The following RC3H2 variants were observed in gnomAD, a reference collection of about 807,000 sequenced individuals.
RC3H2 encodes the protein ring finger and CCCH-type domains 2, also known as roquin-2.
RC3H2 carries 31 observed loss-of-function variants against 133.3 expected under a neutral mutation model. The ratio of observed to expected loss-of-function variants is 0.23; its 90% CI spans 0.17 to 0.31. RC3H2 has a LOEUF of 0.31. Among genes scored for constraint, RC3H2 ranks in the 10% least tolerant of loss-of-function variants. RC3H2 has a pLI of 1.00. For missense variants in RC3H2, 1,175 were observed against 1,437.2 expected, an observed-to-expected ratio of 0.82 and a Z score of 2.95; for synonymous variants, 517 against 502.2, an observed-to-expected ratio of 1.03 and a Z score of -0.40.
intron 11 of RC3H2, 56 bp from the exon 12 acceptor site, chr9:122,859,158 A>G: frequency 7.3e-7 from 1 of 1,362,852 alleles, no homozygotes; most frequent in South Asian, 1.5e-5. Flanking sequence ...CCAACATTTT[A>G]TAATGGCTTA....
chr9:122,850,514 T>C (rs1297672179), intron 20 of RC3H2, among the ~76,000 whole-genome samples: 1 of 151,514 alleles, frequency 6.6e-6, no homozygotes, highest in African/African-American at 2.4e-5. Context: ...GTCACGATCT[T>C]GGCTCACTGT....
At chr9:122,859,229 C>A in intron 11 of RC3H2, 127 bp from the exon 12 acceptor site, 1 of 519,196 alleles carries the variant, frequency 1.9e-6, no homozygotes, top group Non-Finnish European at 2.9e-6. Context: ...CCTTACCCTG[C>A]TTTATAAAGC....
At chr9:122,884,090 C>T (rs1411738595) in intron 4 of RC3H2, among the ~76,000 whole-genome samples, 2 of 151,954 alleles carry the variant, frequency 1.3e-5, no homozygotes, top group Non-Finnish European at 2.9e-5. Flanking sequence ...GTCAGGAGAT[C>T]GATACCATCC....
chr9:122,860,282 C>T (rs1830407237), intron 10 of RC3H2, 151 bp from the exon 11 acceptor site: 3 of 620,820 alleles, frequency 4.8e-6, no homozygotes, highest in Non-Finnish European at 8.5e-6. Context: ...ATGAATTTCA[C>T]TGCCACCTTA....
rs1042759654 is a variant in RC3H2, at chr9:122,846,560, CAGAATGG to C, written c.*3060_*3066del. 73 of 152,252 alleles carry C rather than the reference CAGAATGG, an allele frequency of 4.8e-4. No homozygotes were observed. The highest frequency in any genetic ancestry group is 1.7e-3 in the African/African-American group (72 of 41,546). 9.4% of individuals were successfully genotyped at this position (152,252 alleles called of 1,614,324 possible). ...GTAACTGAATGCGGCACATGGATTTCAGAATGGAACTTAGAAATTAAAAAACAAAAAC... is the reference window on the plus strand; with the variant it reads ...GTAACTGAATGCGGCACATGGATTTCAACTTAGAAATTAAAAAACAAAAAC... On this transcript the variant is annotated 3_prime_UTR_variant, in exon 21 of 21. Coordinates refer to ENST00000357244, the MANE Select transcript of RC3H2 (RefSeq NM_001100588.3).
rs868261983 is a variant in RC3H2 at position 122,867,473 on chromosome 9, C to G, written c.1326-1816G>C. On this transcript the variant is annotated intron_variant, in intron 9 of 20. Transcript: ENST00000357244. ...GAGGGAGGTGGGGGGGTCAGCCCCC[C>G]GCCCGGCCAGCCGCCCTGTCGGGGA... Among the ~76,000 whole-genome samples the G allele has an allele frequency of 2.1e-3, 307 of 148,376 alleles. 1 individual carries two copies. Among genetic ancestry groups the G allele is most frequent in the African/African-American group, 7.5e-3 (299 of 39,956 alleles).
At chr9:122,904,823 G>A (rs1159796917) in intron 1 of RC3H2, among the ~76,000 whole-genome samples, 1 of 152,114 alleles carries the variant, frequency 6.6e-6, no homozygotes, top group Non-Finnish European at 1.5e-5. Flanking sequence ...CCGGGCCTTT[G>A]CTTGGGTGGG....
intron 13 of RC3H2, among the ~76,000 whole-genome samples, chr9:122,856,355 T>C (rs1830247708): frequency 1.3e-5 from 2 of 152,198 alleles, no homozygotes. Context: ...CAGGCTCAGG[T>C]GATTTTCCCA....
At chr9:122,886,560 T>G (rs1332336854) in intron 4 of RC3H2, among the ~76,000 whole-genome samples, 1 of 152,216 alleles carries the variant, frequency 6.6e-6, no homozygotes, top group Non-Finnish European at 1.5e-5. Context: ...ATTTTAAAAA[T>G]TATGGCCACT....
chr9:122,853,833 GCAAT>G, intron 18 of RC3H2, 115 bp downstream of exon 18: 1 of 1,570,880 alleles, frequency 6.4e-7, no homozygotes, highest in Non-Finnish European at 8.7e-7. Context: ...AGTTTTAAAA[GCAAT>G]CAATCATCCA....
rs1564322863 is a variant in RC3H2, at chr9:122,899,090, G to GGTTTTTTTTTTTTTTTT, written c.-67-1515_-67-1514insAAAAAAAAAAAAAAAAC. Among the ~76,000 whole-genome samples, 2 of 88,410 alleles carry GGTTTTTTTTTTTTTTTT rather than the reference G, an allele frequency of 2.3e-5. 1 individual carries two copies. Among genetic ancestry groups the GGTTTTTTTTTTTTTTTT allele is most frequent in the Non-Finnish European group, 4.0e-5 (2 of 49,386 alleles). 58.0% of individuals were successfully genotyped at this position (88,410 alleles called of 152,430 possible). A position where few individuals can be genotyped will look rare whatever the true frequency, so the allele number is the denominator to read the frequency against. On this transcript the variant is annotated intron_variant, in intron 1 of 20. Transcript: ENST00000357244. ...AAAAAATTCTATTAGCCTTTATTGT[G>GGTTTTTTTTTTTTTTTT]TTTTTTTTTTTTTTTTTTTTTTTTT...
intron 9 of RC3H2, among the ~76,000 whole-genome samples, chr9:122,870,131 T>G (rs1831002018): frequency 6.6e-6 from 1 of 151,992 alleles, no homozygotes; most frequent in South Asian, 2.1e-4. Flanking sequence ...TCCCAGCACC[T>G]TGGGAGGCTG....
rs186474530 is a variant in RC3H2, at chr9:122,854,288, T to C, written c.2901-22A>G. On this transcript the variant is annotated intron_variant, in intron 16 of 20. Transcript: ENST00000357244. The stretch of plus-strand genomic sequence containing the variant: ...GTCCCTTTAAAGAGAAATATGTTTA[T>C]TGTAATAAAAGTGAAGTGAATGAAG... The C allele has an allele frequency of 6.3e-6, 10 of 1,581,318 alleles. No homozygotes were observed. In the East Asian group the frequency reaches 1.1e-4, roughly 18 times the overall value.
chr9:122,851,695 C>T (rs951955429), intron 18 of RC3H2: 84 of 395,436 alleles, frequency 2.1e-4, no homozygotes, highest in African/African-American at 7.7e-4. Flanking sequence ...GACGGGGTTT[C>T]GCTGTGATGG....
chr9:122,875,403 C>T (rs1453408062), intron 9 of RC3H2: 1 of 1,506,864 alleles, frequency 6.6e-7, no homozygotes, highest in Non-Finnish European at 8.9e-7. Flanking sequence ...ATAAACAGAT[C>T]ATGGGCCATA....
intron 9 of RC3H2, among the ~76,000 whole-genome samples, chr9:122,870,899 A>T (rs1022259942): frequency 6.6e-6 from 1 of 152,218 alleles, no homozygotes; most frequent in African/African-American, 2.4e-5. Flanking sequence ...TTGGAGAAAA[A>T]TTGTGCAATC....
intron 9 of RC3H2, among the ~76,000 whole-genome samples, chr9:122,869,710 C>T (rs926317994): frequency 1.2e-4 from 18 of 151,738 alleles, no homozygotes; most frequent in South Asian, 6.3e-4. Context: ...ACATTATAGG[C>T]GCGCGCCTGC....
chr9:122,863,306 T>A (rs981619450), intron 10 of RC3H2, among the ~76,000 whole-genome samples: 2 of 152,194 alleles, frequency 1.3e-5, no homozygotes, highest in African/African-American at 2.4e-5. Flanking sequence ...TTTACAAAAT[T>A]TTCTTGCCAA....
chr9:122,859,710 T>C (rs764815727), intron 11 of RC3H2, among the ~76,000 whole-genome samples: 16 of 152,214 alleles, frequency 1.1e-4, no homozygotes, highest in Non-Finnish European at 1.9e-4. Context: ...CTAAAGTTCA[T>C]TCCTGACCCT....
Sources: gnomAD v4.1 joint callset for allele counts (sites outside exome capture counted in the v4.1 genomes callset) on GRCh38, gnomAD v4.1.1 for gene constraint, MANE v1.5 for transcripts, NCBI Gene and HGNC (gene_info 2026-07-23, HGNC 2026-07-21) for gene names.